The following PTK2B variants were observed in gnomAD, a reference collection of about 807,000 sequenced individuals.
The protein encoded by PTK2B is protein-tyrosine kinase 2-beta.
PTK2B carries 71 observed loss-of-function variants against 142.9 expected under a neutral mutation model. That is an observed-to-expected ratio of 0.50 (90% CI 0.41 to 0.61). The LOEUF is 0.61. PTK2B is among the 20% of genes least tolerant of loss of function. The pLI is 0.00. For missense variants in PTK2B, 1,105 were observed against 1,320.4 expected, an observed-to-expected ratio of 0.84 and a Z score of 2.53; for synonymous variants, 519 against 503.4, an observed-to-expected ratio of 1.03 and a Z score of -0.42.
chr8:27,362,817 C>T (rs551241214), intron 1 of PTK2B, among the ~76,000 whole-genome samples: 5 of 151,190 alleles, frequency 3.3e-5, no homozygotes, highest in East Asian at 1.9e-4. Flanking sequence ...TTCTCCCACA[C>T]GAAATCTAGA....
chr8:27,436,760 CA>C (rs1251960025), intron 15 of PTK2B, among the ~76,000 whole-genome samples: 1 of 152,078 alleles, frequency 6.6e-6, no homozygotes, highest in Non-Finnish European at 1.5e-5. Context: ...AAGAAAGAGG[CA>C]GTAAGAATGA....
At chr8:27,371,093 G>C (rs532128998) in intron 1 of PTK2B, among the ~76,000 whole-genome samples, 2 of 152,040 alleles carry the variant, frequency 1.3e-5, no homozygotes, top group African/African-American at 2.4e-5. Flanking sequence ...ACCAGGTTTT[G>C]CTATGTTGGC....
rs748166929 is a variant in PTK2B at position 27,420,754 on chromosome 8, A to T, written c.471+10A>T. The T allele has an allele frequency of 1.2e-6, 2 of 1,600,260 alleles. No individual in the cohort carries two copies. Among genetic ancestry groups the T allele is most frequent in the South Asian group, 2.2e-5 (2 of 90,772 alleles). ...CTATTTTTACCAACAGGTAAAAAGT[A>T]CTTTATCTTCTTGCCCCGAGGCTCC... On this transcript the variant is annotated intron_variant, in intron 4 of 30. Transcript: ENST00000346049.
At chr8:27,378,078 A>T (rs1806779163) in intron 1 of PTK2B, among the ~76,000 whole-genome samples, 1 of 152,210 alleles carries the variant, frequency 6.6e-6, no homozygotes, top group Non-Finnish European at 1.5e-5. Flanking sequence ...GTGAGTTTAC[A>T]ATCTTAGTTG....
rs1382035935 is a variant in PTK2B at position 27,363,625 on chromosome 8, C to T, written c.-37-33923C>T. 6.6e-6 allele frequency among the ~76,000 whole-genome samples: 1 copy of T among 152,152 alleles called. No homozygotes were observed. Among genetic ancestry groups the T allele is most frequent in the African/African-American group, 2.4e-5 (1 of 41,436 alleles). On this transcript the variant is annotated intron_variant, in intron 1 of 30. Transcript: ENST00000346049. This position sits in a 1 kb window ranked among gnomAD's most constrained non-coding sequence, Gnocchi z 4.3. ...TGATTCTGATTTGGGTCTACCCCTG[C>T]CCTTCTTGCAAGTCCTCCTTTTTCT...
At chr8:27,329,623 G>A (rs1803622008) in intron 1 of PTK2B, among the ~76,000 whole-genome samples, 1 of 152,178 alleles carries the variant, frequency 6.6e-6, no homozygotes, top group Admixed American at 6.5e-5. Flanking sequence ...GGGGCTGAAA[G>A]TGTGGTGATG....
intron 2 of PTK2B, among the ~76,000 whole-genome samples, chr8:27,414,791 C>T (rs1014371641): frequency 1.3e-5 from 2 of 151,956 alleles, no homozygotes; most frequent in Non-Finnish European, 2.9e-5. Flanking sequence ...CTCACTCCCC[C>T]CTTTGGTTAC....
intron 1 of PTK2B, among the ~76,000 whole-genome samples, chr8:27,353,131 A>C (rs1805195045): frequency 6.6e-6 from 1 of 152,232 alleles, no homozygotes; most frequent in East Asian, 1.9e-4. Flanking sequence ...AAAGGGGATT[A>C]ATTGCAAAAA....
chr8:27,352,334 A>G (rs1805146609), intron 1 of PTK2B, among the ~76,000 whole-genome samples: 1 of 152,214 alleles, frequency 6.6e-6, no homozygotes, highest in Admixed American at 6.5e-5. Context: ...GGCATGACGC[A>G]TGGAAGGCCA....
intron 1 of PTK2B, among the ~76,000 whole-genome samples, chr8:27,346,485 A>G (rs1804719152): frequency 6.6e-6 from 1 of 152,208 alleles, no homozygotes. Context: ...GGTTGAGGCT[A>G]CAGTGAGCCG....
chr8:27,367,741 G>A (rs1466421587), intron 1 of PTK2B, among the ~76,000 whole-genome samples: 1 of 152,212 alleles, frequency 6.6e-6, no homozygotes, highest in Non-Finnish European at 1.5e-5. Flanking sequence ...GAAGGGAAGA[G>A]GAGCTGGCAT....
chr8:27,378,702 G>A (rs58226445), intron 1 of PTK2B, among the ~76,000 whole-genome samples: 2,439 of 150,154 alleles, frequency 0.016, 74 homozygotes, highest in African/African-American at 0.057. Context: ...GTAGAACTTG[G>A]TTCCTTCTGG....
chr8:27,439,470 T>A, intron 20 of PTK2B, 72 bp downstream of exon 20: 2 of 1,491,602 alleles, frequency 1.3e-6, no homozygotes, highest in Non-Finnish European at 1.9e-6. Flanking sequence ...AGGGGGTGGG[T>A]GCAGGGAGCA....
upstream of PTK2B, chr8:27,311,398 G>A (rs978349777): frequency 2.3e-6 from 2 of 864,520 alleles, no homozygotes; most frequent in African/African-American, 1.8e-5. Context: ...GATGGCGAGG[G>A]GGAGGGAGGG....
At chr8:27,365,480 C>G (rs933964936) in intron 1 of PTK2B, among the ~76,000 whole-genome samples, 2 of 152,192 alleles carry the variant, frequency 1.3e-5, no homozygotes, top group Non-Finnish European at 2.9e-5. Flanking sequence ...TTTCTTTCCT[C>G]TGCAATATGG....
chr8:27,402,277 G>A (rs1349871438), intron 2 of PTK2B, among the ~76,000 whole-genome samples: 2 of 152,196 alleles, frequency 1.3e-5, no homozygotes, highest in East Asian at 3.8e-4. Context: ...CCTGGTCTGG[G>A]TGGTCAGGGT....
At chr8:27,429,016 T>A (rs1810249229) in intron 5 of PTK2B, among the ~76,000 whole-genome samples, 2 of 152,060 alleles carry the variant, frequency 1.3e-5, no homozygotes, top group Admixed American at 1.3e-4. Flanking sequence ...GCCTCCTGGG[T>A]TCAAGTGATT....
chr8:27,456,444 CTG>C (rs1812145075), intron 30 of PTK2B, among the ~76,000 whole-genome samples: 1 of 152,214 alleles, frequency 6.6e-6, no homozygotes, highest in African/African-American at 2.4e-5. Context: ...CCATCATAAA[CTG>C]TGCCCACATA....
At chr8:27,354,675 C>T (rs1326029169) in intron 1 of PTK2B, among the ~76,000 whole-genome samples, 1 of 152,186 alleles carries the variant, frequency 6.6e-6, no homozygotes, top group African/African-American at 2.4e-5. Flanking sequence ...GCAGAAAGAA[C>T]AGGTAGTGAG....
Sources: allele counts gnomAD v4.1 joint callset (sites outside exome capture counted in the v4.1 genomes callset), GRCh38; gene constraint gnomAD v4.1.1; non-coding constraint Gnocchi (gnomAD v3.1); transcripts MANE v1.5; gene names NCBI Gene and HGNC (gene_info 2026-07-23, HGNC 2026-07-21).